Variants in PTPN3 observed in about 807,000 individuals in gnomAD.
The protein encoded by PTPN3 is tyrosine-protein phosphatase non-receptor type 3.
In PTPN3, 96 loss-of-function variants were observed where a neutral mutation model predicts 132.7. The observed-to-expected ratio is 0.72, with a 90% CI of 0.61 to 0.86. The LOEUF is 0.86. Ranked by LOEUF, PTPN3 falls within the 40% of genes least tolerant of loss-of-function variation. PTPN3 has a pLI of 0.00. For missense variants in PTPN3, 1,125 were observed against 1,159.6 expected (o/e 0.97, Z 0.43); for synonymous variants, 398 against 429.0 (o/e 0.93, Z 0.89).
At chr9:109,444,279 A>G (rs1314088298) in intron 7 of PTPN3, among the ~76,000 whole-genome samples, 1 of 152,210 alleles carries the variant, frequency 6.6e-6, no homozygotes, top group African/African-American at 2.4e-5. Flanking sequence ...CTATAAAGTG[A>G]CATTTTGCTC....
chr9:109,512,901 C>G, the PTPN3 span, among the ~76,000 whole-genome samples: 1 of 152,238 alleles, frequency 6.6e-6, no homozygotes, highest in South Asian at 2.1e-4. Context: ...TTTTCCCTCC[C>G]TCCTCCTGCC....
the PTPN3 span, among the ~76,000 whole-genome samples, chr9:109,524,580 C>G: frequency 1.3e-5 from 2 of 152,136 alleles, no homozygotes; most frequent in African/African-American, 4.8e-5. Context: ...AAAGTAAAAG[C>G]TAAGTCACAT....
intron 1 of PTPN3, among the ~76,000 whole-genome samples, chr9:109,470,042 C>CT (rs72168115): frequency 0.08 from 11,892 of 148,076 alleles, 882 homozygotes; most frequent in East Asian, 0.38. Flanking sequence ...CTTCCCTCTA[C>CT]TTTTTTTTTT....
intron 12 of PTPN3, among the ~76,000 whole-genome samples, chr9:109,426,379 T>C (rs1843283306): frequency 6.6e-6 from 1 of 151,886 alleles, no homozygotes; most frequent in Non-Finnish European, 1.5e-5. Context: ...ATCATTCCTG[T>C]GGCTAATAGT....
At chr9:109,450,455 T>TG in intron 5 of PTPN3, 1 of 982,758 alleles carries the variant, frequency 1.0e-6, no homozygotes, top group Non-Finnish European at 1.2e-6. Context: ...AATCAGTATG[T>TG]CTTCCTAGGG....
chr9:109,449,902 T>C (rs1677900281), intron 5 of PTPN3: 1 of 985,430 alleles, frequency 1.0e-6, no homozygotes, highest in African/African-American at 1.7e-5. Flanking sequence ...CAACCTCCTA[T>C]TTGCACAGTT....
intron 1 of PTPN3, among the ~76,000 whole-genome samples, chr9:109,470,924 T>C (rs1846348697): frequency 6.6e-6 from 1 of 152,196 alleles, no homozygotes; most frequent in Non-Finnish European, 1.5e-5. Context: ...GAGATTTTGG[T>C]TCAGTAAGGG....
rs1399345654 is a variant in PTPN3, at chr9:109,407,567, CAG to C, written c.1635+752_1635+753del. On this transcript the variant is annotated intron_variant, in intron 17 of 25. Coordinates refer to ENST00000374541, the MANE Select transcript of PTPN3 (RefSeq NM_002829.4). ...AAATAAATTTATTTTATTTTTGAGA[CAG>C]AGTCTCACTCTGTCGCTCAGGCTGG... Among the ~76,000 whole-genome samples, 5 of 152,064 alleles carry C rather than the reference CAG, an allele frequency of 3.3e-5. No individual in the cohort carries two copies. The East Asian group carries it at 7.7e-4, about 23-fold the overall frequency.
intron 21 of PTPN3, 56 bp from the exon 22 acceptor site, chr9:109,389,435 A>G: frequency 3.3e-6 from 5 of 1,533,766 alleles, no homozygotes; most frequent in Non-Finnish European, 4.4e-6. Context: ...GTGCACAGGG[A>G]ACTGGATTTT....
At chr9:109,489,367 C>A (rs1847353376) in intron 1 of PTPN3, among the ~76,000 whole-genome samples, 2 of 152,184 alleles carry the variant, frequency 1.3e-5, no homozygotes, top group Admixed American at 1.3e-4. Flanking sequence ...AAACATCAGG[C>A]CTGCAGGCCA....
At chr9:109,532,826 G>T in the PTPN3 span, 2 of 921,022 alleles carry the variant, frequency 2.2e-6, no homozygotes, top group South Asian at 3.9e-5. Flanking sequence ...TGATAAGTCG[G>T]AATTTACTCA....
intron 19 of PTPN3, among the ~76,000 whole-genome samples, chr9:109,402,245 T>C (rs1841189585): frequency 1.3e-5 from 2 of 152,198 alleles, no homozygotes; most frequent in East Asian, 3.8e-4. Context: ...AATGTGAACT[T>C]TTTTGAAAGG....
chr9:109,482,037 T>C (rs1273856688), intron 1 of PTPN3, among the ~76,000 whole-genome samples: 1 of 152,216 alleles, frequency 6.6e-6, no homozygotes, highest in Non-Finnish European at 1.5e-5. Flanking sequence ...CCTCTGCCCA[T>C]AGGCGCTTAA....
the PTPN3 span, among the ~76,000 whole-genome samples, chr9:109,508,037 G>A: frequency 1.3e-5 from 2 of 151,978 alleles, no homozygotes; most frequent in Admixed American, 6.6e-5. Flanking sequence ...CAACACATTC[G>A]ACTGTCTCTG....
chr9:109,382,572 G>GC, intron 23 of PTPN3, 125 bp from the exon 24 acceptor site: 1 of 1,087,940 alleles, frequency 9.2e-7, no homozygotes, highest in Non-Finnish European at 1.3e-6. Flanking sequence ...GCCCTGCTGT[G>GC]GCCCCTAGCA....
Position 109,454,511 on chromosome 9 carries a change from T to G in PTPN3, c.353A>C (p.Gln118Pro), listed in dbSNP as rs1845457848. The change falls in exon 5 of 26, where the codon CAG becomes CCG. Residue 118 changes from glutamine to proline, a missense_variant. Coordinates refer to ENST00000374541, the MANE Select transcript of PTPN3 (RefSeq NM_002829.4). Reference sequence around the variant, plus strand: ...ATGTTGTTACCTGGTTTGTTCTTGCTGCAGTGTGTTGGGATCAGGTATAAA... The same window carrying G: ...ATGTTGTTACCTGGTTTGTTCTTGCGGCAGTGTGTTGGGATCAGGTATAAA... The part of the protein sequence containing the change: ...RFFIPDPNTL[Q>P]QEQTRHLYFL... The G allele has an allele frequency of 6.2e-7, 1 of 1,613,158 alleles. No individual in the cohort carries two copies. The highest frequency in any genetic ancestry group is 8.5e-7 in the Non-Finnish European group (1 of 1,179,716).
chr9:109,467,230 T>C (rs1221677173), intron 1 of PTPN3, among the ~76,000 whole-genome samples: 2 of 152,196 alleles, frequency 1.3e-5, no homozygotes, highest in East Asian at 3.8e-4. Context: ...GTCAATTTTA[T>C]TTTTTAGTTC....
chr9:109,402,814 T>G (rs1246026550), intron 19 of PTPN3, among the ~76,000 whole-genome samples: 1 of 152,180 alleles, frequency 6.6e-6, no homozygotes, highest in Admixed American at 6.5e-5. Context: ...CTCATGCCTG[T>G]AATCCTAGCA....
chr9:109,436,794 A>C lies in PTPN3; in HGVS notation c.675+89T>G. On this transcript the variant is annotated intron_variant, in intron 9 of 25. Transcript: ENST00000374541. ...TTAAAAAGTCCTGTTATAATGAAAA[A>C]GAAATAGTTTCATCAAAGAATTTTT... 4 of 1,511,946 alleles carry C rather than the reference A, an allele frequency of 2.6e-6. No individual in the cohort carries two copies. In the South Asian group the frequency reaches 5.4e-5, roughly 20 times the overall value. The allele number at this position is 1,511,946 out of a possible 1,614,324, so 93.7% of individuals were successfully genotyped here. A position where few individuals can be genotyped will look rare whatever the true frequency, so the allele number is the denominator to read the frequency against.
Sources: allele counts gnomAD v4.1 joint callset (sites outside exome capture counted in the v4.1 genomes callset), GRCh38; gene constraint gnomAD v4.1.1; transcripts MANE v1.5; gene names NCBI Gene and HGNC (gene_info 2026-07-23, HGNC 2026-07-21).